The following GALK2 variants were observed in gnomAD, a reference collection of about 807,000 sequenced individuals.
The protein encoded by GALK2 is galactokinase 2.
In GALK2, 36 loss-of-function variants were observed where a neutral mutation model predicts 52.4. The ratio of observed to expected loss-of-function variants is 0.69; its 90% CI spans 0.53 to 0.91. The LOEUF is 0.91. Ranked by LOEUF, GALK2 falls within the 40% of genes least tolerant of loss-of-function variation. The pLI, the probability that GALK2 is intolerant of heterozygous loss-of-function variation, is 0.00. For missense variants in GALK2, 579 were observed against 559.1 expected, an observed-to-expected ratio of 1.04 and a Z score of -0.36; for synonymous variants, 176 against 199.1, an observed-to-expected ratio of 0.88 and a Z score of 0.98.
chr15:49,224,807 T>C (rs1186582328), intron 3 of GALK2, among the ~76,000 whole-genome samples: 2 of 152,220 alleles, frequency 1.3e-5, no homozygotes. Context: ...GTTTTTTCAC[T>C]GATTCTCCTC....
chr15:49,177,838 GT>G (rs1418106862), intron 1 of GALK2: 4 of 266,804 alleles, frequency 1.5e-5, no homozygotes, highest in African/African-American at 9.0e-5. Context: ...CATTTTGTAT[GT>G]TGAATCTTCA....
chr15:49,289,106 G>A (rs1341383422), intron 7 of GALK2, among the ~76,000 whole-genome samples: 1 of 152,194 alleles, frequency 6.6e-6, no homozygotes, highest in Non-Finnish European at 1.5e-5. Context: ...ATTGGATTAA[G>A]TTCTTTATGA....
chr15:49,161,842 C>G (rs757550629), intron 1 of GALK2: 1 of 156,446 alleles, frequency 6.4e-6, no homozygotes, highest in Non-Finnish European at 1.4e-5. Context: ...CCTCAGCCTC[C>G]CTAGAAGCTG....
chr15:49,245,083 A>T (rs1331087605), intron 5 of GALK2, among the ~76,000 whole-genome samples: 3 of 152,184 alleles, frequency 2.0e-5, no homozygotes, highest in Non-Finnish European at 4.4e-5. Flanking sequence ...TCAGTAATTA[A>T]CACAACAAAT....
intron 1 of GALK2, among the ~76,000 whole-genome samples, chr15:49,192,790 C>T (rs1426774785): frequency 6.6e-6 from 1 of 151,328 alleles, no homozygotes; most frequent in African/African-American, 2.4e-5. Context: ...TAAGGCTGAA[C>T]ATCTTTTCAT....
At chr15:49,262,219 G>A (rs1039878041) in intron 5 of GALK2, among the ~76,000 whole-genome samples, 3 of 152,078 alleles carry the variant, frequency 2.0e-5, no homozygotes, top group Non-Finnish European at 2.9e-5. Flanking sequence ...TGGTTGGTAA[G>A]CTATTGATTA....
chr15:49,265,657 T>C (rs2092333872), intron 5 of GALK2, among the ~76,000 whole-genome samples: 1 of 152,258 alleles, frequency 6.6e-6, no homozygotes, highest in Admixed American at 6.5e-5. Flanking sequence ...TCACCCGTCT[T>C]CTGCGTCGCT....
intron 3 of GALK2, among the ~76,000 whole-genome samples, chr15:49,354,536 G>C (rs182934345): frequency 6.6e-6 from 1 of 152,186 alleles, no homozygotes; most frequent in Non-Finnish European, 1.5e-5. Context: ...GCACTTTTCC[G>C]ACCGGCTTAA....
chr15:49,221,230 A>G (rs1185804223), intron 3 of GALK2, among the ~76,000 whole-genome samples: 1 of 152,098 alleles, frequency 6.6e-6, no homozygotes, highest in Non-Finnish European at 1.5e-5. Context: ...TAAGTCTTTA[A>G]CCTATCTTGG....
chr15:49,281,891 G>A, intron 5 of GALK2, 96 bp from the exon 6 acceptor site: 1 of 815,428 alleles, frequency 1.2e-6, no homozygotes, highest in South Asian at 1.7e-5. Flanking sequence ...CAGAGTTGGT[G>A]CTGGAATTCA....
At chr15:49,264,078 G>T (rs1460062686) in intron 5 of GALK2, among the ~76,000 whole-genome samples, 2 of 151,762 alleles carry the variant, frequency 1.3e-5, no homozygotes, top group Non-Finnish European at 2.9e-5. Context: ...GAGTATCTTT[G>T]TGGCGTTCTC....
At chr15:49,167,965 A>G (rs2084876373), upstream of GALK2, among the ~76,000 whole-genome samples, 1 of 152,192 alleles carries the variant, frequency 6.6e-6, no homozygotes, top group Admixed American at 6.5e-5. Flanking sequence ...GATTCTAATC[A>G]TTTCAATAAT....
intron 1 of GALK2, chr15:49,178,588 C>A: frequency 4.3e-6 from 1 of 232,104 alleles, no homozygotes; most frequent in South Asian, 6.2e-5. Flanking sequence ...CCTTGTAGCC[C>A]TGTCGGTGCA....
At chr15:49,244,332 TA>T (rs1211758641) in intron 5 of GALK2, among the ~76,000 whole-genome samples, 2 of 151,992 alleles carry the variant, frequency 1.3e-5, no homozygotes, top group Admixed American at 1.3e-4. Context: ...ATAATAAATG[TA>T]AAAGGCCAAA....
At chr15:49,164,780 C>CAAA (rs36107125) in intron 1 of GALK2, among the ~76,000 whole-genome samples, 4 of 65,182 alleles carry the variant, frequency 6.1e-5, no homozygotes, top group Admixed American at 2.0e-4. Context: ...AACTCCGTCT[C>CAAA]AAAAAAAAAA....
chr15:49,217,619 AAG>A (rs2089485168), intron 3 of GALK2, among the ~76,000 whole-genome samples: 1 of 152,148 alleles, frequency 6.6e-6, no homozygotes, highest in Non-Finnish European at 1.5e-5. Context: ...ATCTCCAGCA[AAG>A]TCAGGTCTGA....
At position 49,328,656 on chromosome 15, in the gene GALK2, T is replaced by C. The variant is rs1478419426; in HGVS notation, c.*497T>C. ...CGATAGTGATGCCACACATTCTCTC[T>C]CAATTTCAGCTTCGGAACGCTATGA... On this transcript the variant is annotated 3_prime_UTR_variant, in exon 10 of 10. Transcript: ENST00000560031. 1 of 1,569,586 alleles carries C rather than the reference T, an allele frequency of 6.4e-7. No individual in the cohort carries two copies. The highest frequency in any genetic ancestry group is 8.7e-7 in the Non-Finnish European group (1 of 1,154,264).
At chr15:49,324,768 A>G (rs1210622410) in intron 9 of GALK2, among the ~76,000 whole-genome samples, 1 of 152,026 alleles carries the variant, frequency 6.6e-6, no homozygotes, top group Non-Finnish European at 1.5e-5. Context: ...CTTATATTAT[A>G]TATAATTTTT....
intron 1 of GALK2, among the ~76,000 whole-genome samples, chr15:49,184,831 TGTA>T (rs941381808): frequency 7.9e-5 from 12 of 152,204 alleles, no homozygotes; most frequent in African/African-American, 2.7e-4. Flanking sequence ...GAGAAGTTAT[TGTA>T]GTTATTATTT....
Sources: allele counts gnomAD v4.1 joint callset (sites outside exome capture counted in the v4.1 genomes callset), GRCh38; gene constraint gnomAD v4.1.1; transcripts MANE v1.5; gene names NCBI Gene and HGNC (gene_info 2026-07-23, HGNC 2026-07-21).